SBNO2: variants seen among roughly 807,000 people sequenced by gnomAD.
SBNO2 encodes protein strawberry notch homolog 2.
SBNO2 carries 89 observed loss-of-function variants against 146.3 expected under a neutral mutation model. The ratio of observed to expected loss-of-function variants is 0.61; its 90% CI spans 0.51 to 0.73. The LOEUF (loss-of-function observed/expected upper bound fraction) is 0.73, where lower values mean the gene tolerates loss of function less well. Ranked by LOEUF, SBNO2 falls within the 30% of genes least tolerant of loss-of-function variation. The pLI is 0.00. For missense variants in SBNO2, 2,092 were observed against 2,003.7 expected (o/e 1.04, Z -0.84); for synonymous variants, 1,147 against 892.6 (o/e 1.29, Z -5.08).
rs763664275 is a variant in SBNO2, at chr19:1,112,366, G to A, written c.2515+36C>T. 10 of 1,574,402 alleles carry A rather than the reference G, an allele frequency of 6.4e-6. No individual in the cohort carries two copies. The East Asian group carries it at 2.3e-4, about 36-fold the overall frequency. The stretch of plus-strand genomic sequence containing the variant: ...GCGGGGCCGAGACCATGTTGGGGGC[G>A]GGGCCAGGCAGCGCTGGGGGCGGGG... On this transcript the variant is annotated intron_variant, in intron 21 of 31. Coordinates refer to ENST00000361757, the MANE Select transcript of SBNO2 (RefSeq NM_014963.3). The surrounding 1 kb of genome is among the most constrained non-coding windows in gnomAD (Gnocchi z 5.9).
At position 1,112,264 on chromosome 19, in the gene SBNO2, C is replaced by A. The variant is rs762087628; in HGVS notation, c.2553G>T (p.Glu851Asp). The A allele has an allele frequency of 6.3e-7, 1 of 1,592,108 alleles. No homozygotes were observed. Among genetic ancestry groups the A allele is most frequent in the Non-Finnish European group, 8.5e-7 (1 of 1,169,904 alleles). ...CCAGCTCCGAGATGAGGAAGACATACTCTGGCGCGGAGACCTGGTTGGACC... is the reference window on the plus strand; with the variant it reads ...CCAGCTCCGAGATGAGGAAGACATAATCTGGCGCGGAGACCTGGTTGGACC... ...THRSNQVSAPEYVFLISELAG... is the reference protein window; with the variant it reads ...THRSNQVSAPDYVFLISELAG... The change falls in exon 22 of 32, where the codon GAG becomes GAT. Residue 851 changes from glutamate (E) to aspartate (D), a missense_variant. Transcript: ENST00000361757. The surrounding 1 kb of genome is among the most constrained non-coding windows in gnomAD (Gnocchi z 5.9).
In SBNO2 at chr19:1,116,884, G is replaced by A. The variant is rs761289898; in HGVS notation, c.1747C>T (p.Arg583Trp). 9.5e-6 allele frequency: 15 copies of A among 1,582,896 alleles called. No homozygotes were observed. Among genetic ancestry groups the A allele is most frequent in the South Asian group, 4.6e-5 (4 of 87,430 alleles). Residue 583 changes from arginine (R) to tryptophan (W), a missense_variant, in exon 16 of 32, where the codon CGG becomes TGG. Coordinates refer to ENST00000361757, the MANE Select transcript of SBNO2 (RefSeq NM_014963.3). ...CCATCGTTCTCCCCCAGCACCTCCC[G>A]CGTGCGCGCCTCGCCCGTGGACTGC... ...GLQSTGEART[R>W]EVLGENDGHL... is the part of the protein sequence containing the mutation.
rs540237759 is a variant in SBNO2, at chr19:1,107,934, A to C, written c.*286T>G. On this transcript the variant is annotated 3_prime_UTR_variant, in exon 32 of 32. Transcript: ENST00000361757. ...TCACGGATTTCAAGGGTTTGGGCCC[A>C]CTGAGCCCTTGTGGGTGCCCAGTCC... 3.3e-5 allele frequency: 8 copies of C among 241,564 alleles called. No homozygotes were observed. The highest frequency in any genetic ancestry group is 5.6e-5 in the Non-Finnish European group (7 of 124,582). 15.0% of individuals were successfully genotyped at this position (241,564 alleles called of 1,614,324 possible). A position where few individuals can be genotyped will look rare whatever the true frequency, so the allele number is the denominator to read the frequency against.
At chr19:1,155,344 C>G (rs1337481165) in intron 1 of SBNO2, among the ~76,000 whole-genome samples, 1 of 152,168 alleles carries the variant, frequency 6.6e-6, no homozygotes, top group African/African-American at 2.4e-5. Flanking sequence ...GGCTGGGGGT[C>G]GGGACTCCTG....
Position 1,116,864 on chromosome 19 carries a change from G to T in SBNO2, c.1767C>A (p.Asn589Lys). The change falls in exon 16 of 32, where the codon AAC (asparagine) becomes AAA (lysine). Residue 589 changes from asparagine to lysine, a missense_variant. By Grantham distance (94) the Asn-to-Lys change is moderately conservative (BLOSUM62 0). Transcript: ENST00000361757. Reference protein sequence around the residue: ...EARTREVLGENDGHLNCFVSA... With the variant: ...EARTREVLGEKDGHLNCFVSA... Reference sequence around the variant, plus strand: ...AGACGAAGCAGTTGAGGTGCCCATCGTTCTCCCCCAGCACCTCCCGCGTGC... The same window carrying T: ...AGACGAAGCAGTTGAGGTGCCCATCTTTCTCCCCCAGCACCTCCCGCGTGC... 6.3e-7 allele frequency: 1 copy of T among 1,591,608 alleles called. No homozygotes were observed.
chr19:1,162,735 T>G (rs1397471064), intron 1 of SBNO2, among the ~76,000 whole-genome samples: 3 of 152,178 alleles, frequency 2.0e-5, no homozygotes, highest in Non-Finnish European at 4.4e-5. Flanking sequence ...TAGCCCCTCA[T>G]CTGACACACA....
intron 1 of SBNO2, among the ~76,000 whole-genome samples, chr19:1,161,592 C>G (rs2080345864): frequency 6.6e-6 from 1 of 150,966 alleles, no homozygotes; most frequent in South Asian, 2.1e-4. Context: ...GGTGGGGGTG[C>G]CTTCCTGTCT....
Position 1,110,919 on chromosome 19 carries a change from G to A in SBNO2, c.2885-31C>T, listed in dbSNP as rs902473327. 3.1e-6 allele frequency: 5 copies of A among 1,611,774 alleles called. No homozygotes were observed. In the East Asian group the frequency reaches 8.9e-5, roughly 29 times the overall value. ...AGGGGAGGGAGCCAAGCCTCAGGCT[G>A]CGCTGGGAATCCCTCTCCCTGCTTT... On this transcript the variant is annotated intron_variant, in intron 25 of 31. Transcript: ENST00000361757. The surrounding 1 kb of genome is among the most constrained non-coding windows in gnomAD (Gnocchi z 4.9).
rs949523852 is a variant in SBNO2, at chr19:1,108,021, C to G, written c.*199G>C. On this transcript the variant is annotated 3_prime_UTR_variant, in exon 32 of 32. Transcript: ENST00000361757. The stretch of plus-strand genomic sequence containing the variant: ...GAGAGGCACAGAGAGGGCCCTGCCA[C>G]GCCCCGGCCCCCAGCTGTCCTGAGT... 7.0e-6 allele frequency: 3 copies of G among 429,350 alleles called. No homozygotes were observed. The highest frequency in any genetic ancestry group is 6.5e-5 in the African/African-American group (3 of 46,508). The allele number at this position is 429,350 out of a possible 1,614,324, so 26.6% of individuals were successfully genotyped here. A position where few individuals can be genotyped will look rare whatever the true frequency, so the allele number is the denominator to read the frequency against.
At chr19:1,141,536 G>T (rs1250491312) in intron 4 of SBNO2, among the ~76,000 whole-genome samples, 1 of 151,846 alleles carries the variant, frequency 6.6e-6, no homozygotes, top group Admixed American at 6.6e-5. Context: ...TTTTAATTTT[G>T]TATAGAGATG....
intron 4 of SBNO2, among the ~76,000 whole-genome samples, chr19:1,141,051 A>ACCCCGGAGAAGACGCG (rs542356789): frequency 1.3e-5 from 2 of 151,122 alleles, no homozygotes; most frequent in African/African-American, 4.9e-5. Flanking sequence ...GAGAAGACGC[A>ACCCCGGAGAAGACGCG]CCCCGGAGAA....
chr19:1,123,663 C>A lies in SBNO2; in HGVS notation c.523-24G>T, dbSNP rs10401293. On this transcript the variant is annotated intron_variant, in intron 6 of 31. Transcript: ENST00000361757. The stretch of plus-strand genomic sequence containing the variant: ...TCCTGCGTGCGTGGCGGGAGCTCAG[C>A]GGAGACTGCAGGCCTGAGCGGCCGC... 1.9e-6 allele frequency: 3 copies of A among 1,595,918 alleles called. No homozygotes were observed. The East Asian group carries it at 6.8e-5, about 36-fold the overall frequency.
intron 4 of SBNO2, among the ~76,000 whole-genome samples, chr19:1,130,646 G>T (rs2080018029): frequency 6.6e-6 from 1 of 151,894 alleles, no homozygotes; most frequent in South Asian, 2.1e-4. Context: ...TTAAAAATTA[G>T]CTGGGCATGG....
rs762911219 is a variant in SBNO2 at position 1,122,226 on chromosome 19, G to A, written c.1062C>T (p.Ala354=). Reference sequence around the variant, plus strand: ...CGCCGGCCTGGCTCTCCCCAATCAGGGCGGAGTAGGTGGCGAAGAGGACGC... The same window carrying A: ...CGCCGGCCTGGCTCTCCCCAATCAGAGCGGAGTAGGTGGCGAAGAGGACGC... ...SEGVLFATYS[A]LIGESQAGGQ... is the part of the protein sequence containing the mutation. The change falls in exon 11 of 32, where the codon GCC becomes GCT. Residue 354 remains alanine (A), a synonymous_variant. Coordinates refer to ENST00000361757, the MANE Select transcript of SBNO2 (RefSeq NM_014963.3). 21 of 1,575,436 alleles carry A rather than the reference G, an allele frequency of 1.3e-5. No individual in the cohort carries two copies. The East Asian group carries it at 4.7e-4, about 35-fold the overall frequency.
In SBNO2 at chr19:1,140,050, A is replaced by C. The variant is rs895955745; in HGVS notation, c.279+7259T>G. On this transcript the variant is annotated intron_variant, in intron 4 of 31. Transcript: ENST00000361757. This position sits in a 1 kb window ranked among gnomAD's most constrained non-coding sequence, Gnocchi z 4.4. ...CGCGGTGGCTCACGCCTGTAATCCC[A>C]ATGCTTTGGGAGGCTGAGGTGGGTG... Among the ~76,000 whole-genome samples, 3 of 152,108 alleles carry C rather than the reference A, an allele frequency of 2.0e-5. No individual in the cohort carries two copies. Among genetic ancestry groups the C allele is most frequent in the African/African-American group, 7.2e-5 (3 of 41,418 alleles).
At chr19:1,123,887 T>C (rs2079934473) in intron 6 of SBNO2, 55 bp downstream of exon 6, 1 of 1,547,172 alleles carries the variant, frequency 6.5e-7, no homozygotes, top group Non-Finnish European at 8.8e-7. Flanking sequence ...CTGAGCCCTC[T>C]CCTTAGGTCC....
intron 1 of SBNO2, among the ~76,000 whole-genome samples, chr19:1,165,318 C>T (rs990391446): frequency 1.2e-4 from 18 of 152,176 alleles, no homozygotes; most frequent in Non-Finnish European, 2.4e-4. Flanking sequence ...GGCCTTGGTG[C>T]TTCATCCCAA....
intron 4 of SBNO2, chr19:1,132,290 G>GC (rs1205081010): frequency 2.3e-6 from 3 of 1,312,202 alleles, no homozygotes; most frequent in Non-Finnish European, 1.9e-6. Flanking sequence ...AGTCACCGCC[G>GC]CCGGCGCCTA....
At chr19:1,127,489 C>CA (rs1239219324) in intron 5 of SBNO2, 115 bp downstream of exon 5, 2 of 1,001,728 alleles carry the variant, frequency 2.0e-6, no homozygotes, top group East Asian at 2.4e-5. Context: ...GTGACAGGCA[C>CA]AGCCATTGGC....
Sources: allele counts gnomAD v4.1 joint callset (sites outside exome capture counted in the v4.1 genomes callset), GRCh38; gene constraint gnomAD v4.1.1; non-coding constraint Gnocchi (gnomAD v3.1); transcripts MANE v1.5; gene names NCBI Gene and HGNC (gene_info 2026-07-23, HGNC 2026-07-21).